LINGO2: variants seen among roughly 807,000 people sequenced by gnomAD.
LINGO2 encodes the protein leucine-rich repeat and immunoglobulin-like domain-containing nogo receptor-interacting protein 2.
A neutral mutation model predicts 30.6 loss-of-function variants in LINGO2; 14 were observed. That is an observed-to-expected ratio of 0.46 (90% CI 0.30 to 0.72). The LOEUF (loss-of-function observed/expected upper bound fraction) is 0.72, where lower values mean the gene tolerates loss of function less well. Among genes scored for constraint, LINGO2 ranks in the 30% least tolerant of loss-of-function variants. The pLI is 0.07. For synonymous variants in LINGO2, 317 were observed against 288.5 expected, an observed-to-expected ratio of 1.10 and a Z score of -1.00; for missense variants, 729 against 751.7, an observed-to-expected ratio of 0.97 and a Z score of 0.35.
In LINGO2 at chr9:28,640,999, G is replaced by T. The variant is rs375266401; in HGVS notation, c.-365+29201C>A. ...TTGATGATGGTGACGTACAGATGGG[G>T]TTTTGGTGTGGATGTCCTTCCTGTT... is the stretch of plus-strand genomic sequence containing the variant. On this transcript the variant is annotated intron_variant, in intron 1 of 5. Transcript: ENST00000379992. Among the ~76,000 whole-genome samples the T allele has an allele frequency of 5.3e-5, 8 of 152,040 alleles. No individual in the cohort carries two copies. The South Asian group carries it at 1.2e-3, about 24-fold the overall frequency.
chr9:28,053,872 CTTTG>C (rs905110661), intron 4 of LINGO2, among the ~76,000 whole-genome samples: 13 of 152,158 alleles, frequency 8.5e-5, no homozygotes, highest in East Asian at 1.9e-4. Flanking sequence ...ACAGCTCCTG[CTTTG>C]TTTGTCTTAT....
At chr9:28,717,540 C>T in the LINGO2 span, among the ~76,000 whole-genome samples, 1 of 152,004 alleles carries the variant, frequency 6.6e-6, no homozygotes, top group African/African-American at 2.4e-5. Context: ...AAGGAGATTT[C>T]CCTCTCTTTT....
intron 4 of LINGO2, among the ~76,000 whole-genome samples, chr9:28,172,023 A>AC (rs1554682018): frequency 1.1e-5 from 1 of 90,938 alleles, no homozygotes; most frequent in Non-Finnish European, 2.1e-5. Context: ...TCTCAAAAAA[A>AC]AAAAAAAAAA....
At chr9:29,008,873 T>G in the LINGO2 span, among the ~76,000 whole-genome samples, 82 of 152,170 alleles carry the variant, frequency 5.4e-4, no homozygotes, top group African/African-American at 1.8e-3. Context: ...GCAAGGCTGG[T>G]TCAACATATG....
the LINGO2 span, among the ~76,000 whole-genome samples, chr9:28,949,148 G>A: frequency 6.6e-6 from 1 of 152,024 alleles, no homozygotes; most frequent in African/African-American, 2.4e-5. Context: ...GCCGACAGGA[G>A]AAAGTGGGAA....
chr9:27,949,232 C>T (rs1823499158), exon 6 of LINGO2: 1 of 1,614,100 alleles, frequency 6.2e-7, no homozygotes, highest in African/African-American at 1.3e-5. Flanking sequence ...TGCAAACATA[C>T]ATCCCGCTGT....
chr9:28,844,384 G>A, the LINGO2 span, among the ~76,000 whole-genome samples: 5 of 151,608 alleles, frequency 3.3e-5, no homozygotes, highest in East Asian at 3.9e-4. Flanking sequence ...AAACAAAAAC[G>A]AAAAAGAAGA....
chr9:28,257,448 T>C (rs1451660877), intron 4 of LINGO2, among the ~76,000 whole-genome samples: 1 of 151,860 alleles, frequency 6.6e-6, no homozygotes, highest in Non-Finnish European at 1.5e-5. Flanking sequence ...AAGATGGTCT[T>C]TAGTAAAAAT....
At chr9:28,227,490 T>C (rs1821210024) in intron 4 of LINGO2, among the ~76,000 whole-genome samples, 2 of 152,138 alleles carry the variant, frequency 1.3e-5, no homozygotes, top group South Asian at 2.1e-4. Flanking sequence ...AAAATGGAAA[T>C]GCAGAATCTA....
intron 1 of LINGO2, among the ~76,000 whole-genome samples, chr9:28,569,921 T>G (rs1447202013): frequency 6.6e-6 from 1 of 151,856 alleles, no homozygotes; most frequent in Non-Finnish European, 1.5e-5. Context: ...TAATTTTTAT[T>G]TGGCAAAAAA....
At chr9:28,301,752 G>C (rs1399870878) in intron 3 of LINGO2, among the ~76,000 whole-genome samples, 1 of 152,090 alleles carries the variant, frequency 6.6e-6, no homozygotes, top group Non-Finnish European at 1.5e-5. Flanking sequence ...TACACAAGAA[G>C]ATCATCCCTA....
At chr9:28,423,818 GTTCGTT>G (rs552780660) in intron 2 of LINGO2, among the ~76,000 whole-genome samples, 20 of 152,004 alleles carry the variant, frequency 1.3e-4, no homozygotes, top group South Asian at 6.2e-4. Context: ...CTAAATCTTT[GTTCGTT>G]TTCAAGATAT....
chr9:28,895,021 G>A, the LINGO2 span, among the ~76,000 whole-genome samples: 5 of 151,960 alleles, frequency 3.3e-5, no homozygotes, highest in South Asian at 4.1e-4. Flanking sequence ...ATGCCTATAT[G>A]TGCATGACTG....
chr9:28,939,204 G>A, the LINGO2 span, among the ~76,000 whole-genome samples: 1 of 99,966 alleles, frequency 1.0e-5, no homozygotes, highest in African/African-American at 3.6e-5. Flanking sequence ...ACTTAAGAGT[G>A]CTGACAACAG....
chr9:28,226,871 A>C (rs138331788), intron 4 of LINGO2, among the ~76,000 whole-genome samples: 240 of 152,196 alleles, frequency 1.6e-3, no homozygotes, highest in African/African-American at 5.4e-3. Flanking sequence ...AGGAATAGGC[A>C]ATTTAAAGTG....
At chr9:28,831,530 C>T in the LINGO2 span, among the ~76,000 whole-genome samples, 2 of 152,124 alleles carry the variant, frequency 1.3e-5, no homozygotes, top group African/African-American at 4.8e-5. Flanking sequence ...GATTTAAACC[C>T]AGGTCAGCCA....
intron 3 of LINGO2, among the ~76,000 whole-genome samples, chr9:28,337,846 C>T (rs1159661911): frequency 6.6e-6 from 1 of 152,014 alleles, no homozygotes; most frequent in Non-Finnish European, 1.5e-5. Context: ...GCCTGGGTGT[C>T]TAGGCAGAAG....
intron 4 of LINGO2, among the ~76,000 whole-genome samples, chr9:28,073,097 C>T (rs977951682): frequency 1.3e-5 from 2 of 151,908 alleles, no homozygotes; most frequent in African/African-American, 4.8e-5. Context: ...CAGTTAGATA[C>T]CAACTAGACG....
chr9:28,000,477 G>A (rs1260689096), intron 5 of LINGO2, among the ~76,000 whole-genome samples: 1 of 152,152 alleles, frequency 6.6e-6, no homozygotes, highest in African/African-American at 2.4e-5. Context: ...AATGGAGTTG[G>A]ATTAAATTCT....
Sources: gnomAD v4.1 joint callset for allele counts (sites outside exome capture counted in the v4.1 genomes callset) on GRCh38, gnomAD v4.1.1 for gene constraint, MANE v1.5 for transcripts, NCBI Gene and HGNC (gene_info 2026-07-23, HGNC 2026-07-21) for gene names.